Variants in HS6ST3 observed in about 807,000 individuals in gnomAD.
HS6ST3 encodes heparan-sulfate 6-O-sulfotransferase 3.
A neutral mutation model predicts 36.7 loss-of-function variants in HS6ST3; 12 were observed. The ratio of observed to expected loss-of-function variants is 0.33; its 90% CI spans 0.21 to 0.53. The LOEUF (loss-of-function observed/expected upper bound fraction) is 0.53. Ranked by LOEUF, HS6ST3 falls within the 20% of genes least tolerant of loss-of-function variation. The probability of loss-of-function intolerance (pLI) is 0.95; values close to 1 mark genes in which losing one functional copy is unlikely to be tolerated. For synonymous variants in HS6ST3, 240 were observed against 257.5 expected (o/e 0.93, Z 0.65); for missense variants, 584 against 640.9 (o/e 0.91, Z 0.96).
At chr13:96,148,221 A>G (rs2054067361) in intron 1 of HS6ST3, among the ~76,000 whole-genome samples, 1 of 152,220 alleles carries the variant, frequency 6.6e-6, no homozygotes, top group Non-Finnish European at 1.5e-5. Flanking sequence ...CTATGGTAAA[A>G]TTGGTTTTGT....
rs1274909257 is a variant in HS6ST3 at position 96,500,349 on chromosome 13, T to C, written c.708-332141T>C. On this transcript the variant is annotated intron_variant, in intron 1 of 1. Transcript: ENST00000376705. The stretch of plus-strand genomic sequence containing the variant: ...TTCATCGGTGGTTGAACATTTGTAT[T>C]GTTTCTACCTTCTGGCTGTTATAAA... Among the ~76,000 whole-genome samples, 3 of 152,222 alleles carry C rather than the reference T, an allele frequency of 2.0e-5. No individual in the cohort carries two copies. The East Asian group carries it at 5.8e-4, about 29-fold the overall frequency.
intron 1 of HS6ST3, among the ~76,000 whole-genome samples, chr13:96,720,027 C>T (rs1304030397): frequency 6.6e-6 from 1 of 152,122 alleles, no homozygotes; most frequent in Admixed American, 6.5e-5. Flanking sequence ...TCATGGGGCT[C>T]CAGACACCAA....
rs757636802 is a variant in HS6ST3 at position 96,833,055 on chromosome 13, C to G, written c.1273C>G (p.Leu425Val). ...FQQRYHHTKQ[L>V]EHQRDRQKRR... ...GCAGCGCTACCACCACACCAAGCAG[C>G]TAGAGCACCAGAGGGACCGCCAGAA... Residue 425 changes from leucine (L) to valine (V), a missense_variant, in exon 2 of 2, where the codon CTA (leucine) becomes GTA (valine). This residue lies in a region of HS6ST3 where 360 missense variants were observed against 411.3 expected (regional missense o/e 0.88). Coordinates refer to ENST00000376705, the MANE Select transcript of HS6ST3 (RefSeq NM_153456.4). 1.2e-6 allele frequency: 2 copies of G among 1,613,352 alleles called. No individual in the cohort carries two copies. Among genetic ancestry groups the G allele is most frequent in the Non-Finnish European group, 1.7e-6 (2 of 1,180,020 alleles).
chr13:96,548,096 C>G (rs138731918), intron 1 of HS6ST3, among the ~76,000 whole-genome samples: 1 of 152,174 alleles, frequency 6.6e-6, no homozygotes, highest in East Asian at 1.9e-4. Flanking sequence ...TTCTCCTGCA[C>G]GCCCCCCACA....
chr13:96,334,414 C>A (rs1255668718), intron 1 of HS6ST3, among the ~76,000 whole-genome samples: 1 of 152,176 alleles, frequency 6.6e-6, no homozygotes, highest in African/African-American at 2.4e-5. Flanking sequence ...CAGCATTATA[C>A]CTCCTGTACA....
intron 1 of HS6ST3, among the ~76,000 whole-genome samples, chr13:96,315,694 A>G (rs1355466978): frequency 6.6e-6 from 1 of 152,112 alleles, no homozygotes; most frequent in African/African-American, 2.4e-5. Context: ...TTTTTTAAAA[A>G]AAGGACTGTT....
chr13:96,779,216 G>A (rs1254492354), intron 1 of HS6ST3, among the ~76,000 whole-genome samples: 1 of 152,024 alleles, frequency 6.6e-6, no homozygotes, highest in African/African-American at 2.4e-5. Context: ...AATACCTAAT[G>A]TAGATGACGG....
At chr13:96,579,939 C>T (rs1206466206) in intron 1 of HS6ST3, among the ~76,000 whole-genome samples, 1 of 152,004 alleles carries the variant, frequency 6.6e-6, no homozygotes, top group Non-Finnish European at 1.5e-5. Flanking sequence ...TAATCTCTCT[C>T]CTAGATAATT....
At chr13:96,192,550 G>T (rs1329975660) in intron 1 of HS6ST3, among the ~76,000 whole-genome samples, 1 of 151,076 alleles carries the variant, frequency 6.6e-6, no homozygotes, top group South Asian at 2.1e-4. Context: ...GTGTTATTTG[G>T]TTTTCTGTTT....
intron 1 of HS6ST3, among the ~76,000 whole-genome samples, chr13:96,799,237 A>T (rs1025977823): frequency 6.6e-6 from 1 of 152,112 alleles, no homozygotes; most frequent in African/African-American, 2.4e-5. Flanking sequence ...ACAGTGTAAA[A>T]GTGTTCCTGT....
intron 1 of HS6ST3, among the ~76,000 whole-genome samples, chr13:96,475,624 A>AG (rs1405756843): frequency 6.6e-6 from 1 of 151,792 alleles, no homozygotes; most frequent in African/African-American, 2.4e-5. Flanking sequence ...AAAAAAAAAA[A>AG]AAAAAAGAAA....
At chr13:96,671,142 G>T (rs2056681282) in intron 1 of HS6ST3, among the ~76,000 whole-genome samples, 1 of 152,116 alleles carries the variant, frequency 6.6e-6, no homozygotes, top group South Asian at 2.1e-4. Context: ...TACAGCAGCT[G>T]CCTACCTGCT....
chr13:96,323,244 T>C (rs2055013594), intron 1 of HS6ST3, among the ~76,000 whole-genome samples: 1 of 152,234 alleles, frequency 6.6e-6, no homozygotes, highest in Non-Finnish European at 1.5e-5. Context: ...CCATCTGAAC[T>C]TCTCTCCAAA....
intron 1 of HS6ST3, among the ~76,000 whole-genome samples, chr13:96,789,522 A>G (rs765270505): frequency 6.6e-6 from 1 of 151,872 alleles, no homozygotes. Context: ...CTCTTCCTTC[A>G]TTCCTGAAGT....
intron 1 of HS6ST3, among the ~76,000 whole-genome samples, chr13:96,397,593 C>T (rs971698931): frequency 2.6e-5 from 4 of 151,928 alleles, no homozygotes; most frequent in Non-Finnish European, 5.9e-5. Flanking sequence ...TATTTTTTTT[C>T]TGGCTTCCAG....
intron 1 of HS6ST3, among the ~76,000 whole-genome samples, chr13:96,650,047 C>T (rs977979237): frequency 6.6e-6 from 1 of 151,862 alleles, no homozygotes; most frequent in Non-Finnish European, 1.5e-5. Context: ...CTTCTGTCAA[C>T]CCTCTGCTTG....
intron 1 of HS6ST3, among the ~76,000 whole-genome samples, chr13:96,411,473 C>T (rs892627289): frequency 3.9e-5 from 6 of 152,156 alleles, no homozygotes; most frequent in Admixed American, 2.0e-4. Context: ...GTAATACAAA[C>T]ATTTTGGTGG....
chr13:96,428,648 A>G (rs1435094507), intron 1 of HS6ST3, among the ~76,000 whole-genome samples: 1 of 152,132 alleles, frequency 6.6e-6, no homozygotes, highest in Non-Finnish European at 1.5e-5. Context: ...TCTTCAAATA[A>G]TGTCAGGTAC....
intron 1 of HS6ST3, among the ~76,000 whole-genome samples, chr13:96,799,945 T>G (rs1878004749): frequency 1.7e-5 from 1 of 59,082 alleles, no homozygotes; most frequent in African/African-American, 9.2e-5. Context: ...TATGTGTGTG[T>G]ATATATATAT....
Sources: allele counts gnomAD v4.1 joint callset (sites outside exome capture counted in the v4.1 genomes callset), GRCh38; gene constraint gnomAD v4.1.1; regional missense constraint gnomAD v4.1.1; transcripts MANE v1.5; gene names NCBI Gene and HGNC (gene_info 2026-07-23, HGNC 2026-07-21).